The following RBP5 variants were observed in gnomAD, a reference collection of about 807,000 sequenced individuals.
RBP5 encodes retinol binding protein 5.
RBP5 carries 12 observed loss-of-function variants against 17.8 expected under a neutral mutation model. That is an observed-to-expected ratio of 0.67 (90% CI 0.43 to 1.09). The LOEUF (loss-of-function observed/expected upper bound fraction) is 1.09, where lower values mean the gene tolerates loss of function less well. RBP5 is among the 50% of genes least tolerant of loss of function. RBP5 has a pLI of 0.00. For synonymous variants in RBP5, 64 were observed against 68.1 expected (o/e 0.94, Z 0.30); for missense variants, 172 against 169.4 (o/e 1.02, Z -0.09).
rs1293163546 is a variant in RBP5 at position 7,127,509 on chromosome 12, AC to A, written c.252+730del. On this transcript the variant is annotated intron_variant, in intron 2 of 3. Transcript: ENST00000266560. ...TACATGCTCTGTAAATAGTTGCTATACTGTATTGTTTTTTATTTGTATCATT... is the reference window on the plus strand; with the variant it reads ...TACATGCTCTGTAAATAGTTGCTATATGTATTGTTTTTTATTTGTATCATT... 12 of 611,190 alleles carry A rather than the reference AC, an allele frequency of 2.0e-5. No individual in the cohort carries two copies. The East Asian group carries it at 2.5e-4, about 13-fold the overall frequency. 37.9% of individuals were successfully genotyped at this position (611,190 alleles called of 1,614,324 possible).
intron 2 of RBP5, chr12:7,127,517 GTTT>G (rs1198296479): frequency 1.6e-5 from 10 of 617,036 alleles, no homozygotes; most frequent in Non-Finnish European, 2.9e-5. Flanking sequence ...ATACTGTATT[GTTT>G]TTTATTTGTA....
At chr12:7,123,309 A>T (rs1331993666), downstream of RBP5, among the ~76,000 whole-genome samples, 1 of 152,168 alleles carries the variant, frequency 6.6e-6, no homozygotes, top group Non-Finnish European at 1.5e-5. Context: ...TATAGCCAGG[A>T]CTGCTGGGCT....
At chr12:7,116,920 C>T (rs967509102) in exon 4 of RBP5, 1 of 152,212 alleles carries the variant, frequency 6.6e-6, no homozygotes, top group African/African-American at 2.4e-5. Flanking sequence ...AAGTCACCCC[C>T]ACATTTTGTT....
At chr12:7,125,966 C>T (rs1274909491) in intron 2 of RBP5, among the ~76,000 whole-genome samples, 1 of 151,428 alleles carries the variant, frequency 6.6e-6, no homozygotes, top group East Asian at 1.9e-4. Flanking sequence ...GGTGCAGTGG[C>T]TTAGGCCCGT....
chr12:7,119,204 G>C (rs1180700120), downstream of RBP5, among the ~76,000 whole-genome samples: 1 of 29,490 alleles, frequency 3.4e-5, no homozygotes, highest in Non-Finnish European at 6.8e-5. Context: ...TGGGGGATGG[G>C]GGGGGGTCCC....
chr12:7,129,863 C>T (rs1205256841), upstream of RBP5: 1 of 968,978 alleles, frequency 1.0e-6, no homozygotes, highest in African/African-American at 1.8e-5. This position sits in a 1 kb window ranked among gnomAD's most constrained non-coding sequence, Gnocchi z 5.5. Context: ...TCCTGCCCCT[C>T]CTTGGGTCCC....
At chr12:7,121,833 T>C (rs778861801), downstream of RBP5, 1 of 155,062 alleles carries the variant, frequency 6.4e-6, no homozygotes, top group South Asian at 2.0e-4. Context: ...GAAATAAACA[T>C]TTTGGATTCC....
chr12:7,119,856 G>A (rs942079485), downstream of RBP5, among the ~76,000 whole-genome samples: 1 of 152,212 alleles, frequency 6.6e-6, no homozygotes, highest in East Asian at 1.9e-4. Flanking sequence ...GAAGGCTGGC[G>A]ATTTGTATAT....
upstream of RBP5, chr12:7,129,824 A>T (rs990652499): frequency 9.1e-6 from 9 of 985,712 alleles, no homozygotes; most frequent in African/African-American, 1.0e-4. The surrounding 1 kb of genome is among the most constrained non-coding windows in gnomAD (Gnocchi z 5.5). Context: ...GCCGGTCCCG[A>T]CAGGTGCGTG....
exon 4 of RBP5, chr12:7,116,846 A>G (rs1939012015): frequency 6.7e-6 from 1 of 149,942 alleles, no homozygotes; most frequent in African/African-American, 2.5e-5. Flanking sequence ...TATGGTCAGG[A>G]TGGGGTCATT....
At chr12:7,121,037 A>G (rs1263853993), downstream of RBP5, 1 of 152,126 alleles carries the variant, frequency 6.6e-6, no homozygotes, top group African/African-American at 2.4e-5. Flanking sequence ...CAAAAAAAAA[A>G]AAAAAGAAAA....
chr12:7,118,321 A>G (rs917766454), intron 3 of RBP5: 8 of 152,392 alleles, frequency 5.2e-5, no homozygotes, highest in African/African-American at 1.9e-4. Context: ...AGGGAGAGGA[A>G]TCCAAGAGGA....
At chr12:7,125,918 A>C (rs1033090240) in intron 2 of RBP5, among the ~76,000 whole-genome samples, 1 of 152,112 alleles carries the variant, frequency 6.6e-6, no homozygotes, top group African/African-American at 2.4e-5. Flanking sequence ...TGGCTACAGC[A>C]TGCAGATTAG....
At chr12:7,127,825 A>G in intron 2 of RBP5, 1 of 662,456 alleles carries the variant, frequency 1.5e-6, no homozygotes, top group South Asian at 1.6e-5. Flanking sequence ...TCCAGTTTAA[A>G]GGATTAATAG....
Position 7,124,041 on chromosome 12 carries a change from G to T in RBP5, c.*80C>A. 7.3e-7 allele frequency: 1 copy of T among 1,376,024 alleles called. No homozygotes were observed. Among genetic ancestry groups the T allele is most frequent in the African/African-American group, 1.4e-5 (1 of 70,320 alleles). 85.2% of individuals were successfully genotyped at this position (1,376,024 alleles called of 1,614,324 possible). A position where few individuals can be genotyped will look rare whatever the true frequency, so the allele number is the denominator to read the frequency against. On this transcript the variant is annotated 3_prime_UTR_variant, in exon 4 of 4. Coordinates refer to ENST00000266560, the MANE Select transcript of RBP5 (RefSeq NM_031491.4). The surrounding 1 kb of genome is among the most constrained non-coding windows in gnomAD (Gnocchi z 5.3). The stretch of plus-strand genomic sequence containing the variant: ...GCCAGAGGAAGGGACAGCTGACCTG[G>T]CACAATCTGGGCTTGAAGGGGGCAC...
downstream of RBP5, among the ~76,000 whole-genome samples, chr12:7,119,736 C>T (rs1939054054): frequency 6.6e-6 from 1 of 152,210 alleles, no homozygotes; most frequent in Non-Finnish European, 1.5e-5. Flanking sequence ...TCAGGGCGCA[C>T]TCCACTCCAG....
At chr12:7,118,830 A>G (rs1394177483), downstream of RBP5, 1 of 152,200 alleles carries the variant, frequency 6.6e-6, no homozygotes, top group African/African-American at 2.4e-5. Context: ...AGGATACAGA[A>G]GAGATTAGCA....
exon 4 of RBP5, chr12:7,115,789 G>C (rs1358751144): frequency 6.6e-6 from 1 of 152,286 alleles, no homozygotes; most frequent in Non-Finnish European, 1.5e-5. Flanking sequence ...TTAACAGGAA[G>C]CATGACTGGG....
intron 2 of RBP5, among the ~76,000 whole-genome samples, chr12:7,126,580 A>C (rs1242896178): frequency 6.6e-6 from 1 of 150,674 alleles, no homozygotes; most frequent in African/African-American, 2.5e-5. Flanking sequence ...AGAGGTAAGG[A>C]AACAAGAGAT....
Sources: gnomAD v4.1 joint callset for allele counts (sites outside exome capture counted in the v4.1 genomes callset) on GRCh38, gnomAD v4.1.1 for gene constraint, Gnocchi (gnomAD v3.1) non-coding constraint, MANE v1.5 for transcripts, NCBI Gene and HGNC (gene_info 2026-07-23, HGNC 2026-07-21) for gene names.